Variants in PGR observed in about 807,000 individuals in gnomAD.
The protein encoded by PGR is nuclear receptor subfamily 3 group C member 3.
In PGR, 25 loss-of-function variants were observed where a neutral mutation model predicts 76.1. The observed-to-expected ratio is 0.33, with a 90% confidence interval of 0.24 to 0.46. PGR has a LOEUF of 0.46. Among genes scored for constraint, PGR ranks in the 20% least tolerant of loss-of-function variants. The pLI is 1.00. For synonymous variants in PGR, 579 were observed against 535.0 expected (o/e 1.08, Z -1.14); for missense variants, 1,172 against 1,225.3 (o/e 0.96, Z 0.65).
At chr11:101,041,030 C>G (rs1475986667) in intron 7 of PGR, among the ~76,000 whole-genome samples, 2 of 131,328 alleles carry the variant, frequency 1.5e-5, no homozygotes, top group African/African-American at 5.0e-5. Context: ...AAAGTATTTT[C>G]TTGCTAAATG....
chr11:101,042,233 G>T, intron 6 of PGR, 131 bp from the exon 7 acceptor site: 1 of 787,218 alleles, frequency 1.3e-6, no homozygotes, highest in South Asian at 1.6e-5. Context: ...CCTTATATAG[G>T]AAAGAGATAG....
In PGR at chr11:101,039,700, G is replaced by A. The variant is rs544253744; in HGVS notation, c.2647-429C>T. On this transcript the variant is annotated intron_variant, in intron 7 of 7. Transcript: ENST00000325455. The stretch of plus-strand genomic sequence containing the variant: ...CTTCCTATGCCAATAATCCAACATC[G>A]TTTAATTTTTATCAAAGTAATTCAT... 5.5e-4 allele frequency among the ~76,000 whole-genome samples: 83 copies of A among 151,844 alleles called. 1 individual carries two copies. The highest frequency in any genetic ancestry group is 1.8e-3 in the African/African-American group (74 of 41,430).
At chr11:101,040,068 AT>A (rs11571264) in intron 7 of PGR, among the ~76,000 whole-genome samples, 3,949 of 152,042 alleles carry the variant, frequency 0.026, 151 homozygotes, top group African/African-American at 0.087. Flanking sequence ...TATCATAAAG[AT>A]TTTTTTATGG....
rs866322371 is a variant in PGR at position 101,079,742 on chromosome 11, C to T, written c.1906+12018G>A. Among the ~76,000 whole-genome samples the T allele has an allele frequency of 7.9e-5, 12 of 152,346 alleles. No homozygotes were observed. The South Asian group carries it at 1.0e-3, about 13-fold the overall frequency. ...AAAACAGAACTACCACGTGATGCAG[C>T]AATCCTACTGTTGGGCATATAGCCA... is the stretch of plus-strand genomic sequence containing the variant. On this transcript the variant is annotated intron_variant, in intron 3 of 7. Transcript: ENST00000325455.
At chr11:101,099,373 T>C (rs1204485791) in intron 2 of PGR, among the ~76,000 whole-genome samples, 1 of 152,278 alleles carries the variant, frequency 6.6e-6, no homozygotes, top group Admixed American at 6.5e-5. Flanking sequence ...ATCTATCATG[T>C]TAGAAATTGG....
At chr11:101,044,724 T>G (rs1372178675) in intron 6 of PGR, among the ~76,000 whole-genome samples, 5 of 88,190 alleles carry the variant, frequency 5.7e-5, no homozygotes, top group African/African-American at 1.2e-4. Context: ...TTTTTTTTTT[T>G]GACACAGGGT....
intron 3 of PGR, among the ~76,000 whole-genome samples, chr11:101,069,323 C>A (rs1432637400): frequency 6.6e-6 from 1 of 152,112 alleles, no homozygotes; most frequent in African/African-American, 2.4e-5. Flanking sequence ...CCATCTCACA[C>A]CAGTTAGAAT....
chr11:101,037,763 G>C lies in PGR; in HGVS notation c.*1353C>G, dbSNP rs1859558850. 1 of 226,416 alleles carries C rather than the reference G, an allele frequency of 4.4e-6. No individual in the cohort carries two copies. The highest frequency in any genetic ancestry group is 1.8e-4 in the South Asian group (1 of 5,480). 14.0% of individuals were successfully genotyped at this position (226,416 alleles called of 1,614,324 possible). ...AGAAAGTGATAAAGTCATGGGTACA[G>C]AAATATGCAGAAATGTAACCAAAGA... On this transcript the variant is annotated 3_prime_UTR_variant, in exon 8 of 8. Coordinates refer to ENST00000325455, the MANE Select transcript of PGR (RefSeq NM_000926.4).
intron 3 of PGR, among the ~76,000 whole-genome samples, chr11:101,076,577 T>C (rs903679740): frequency 2.6e-5 from 4 of 152,078 alleles, no homozygotes; most frequent in Non-Finnish European, 5.9e-5. Context: ...GGAAACAGTA[T>C]TGCACAATTA....
rs1045289204 is a variant in PGR at position 101,038,170 on chromosome 11, T to TCC, written c.*944_*945dup. The TCC allele has an allele frequency of 1.6e-5, 3 of 191,618 alleles. No homozygotes were observed. Among genetic ancestry groups the TCC allele is most frequent in the African/African-American group, 7.0e-5 (3 of 43,122 alleles). 11.9% of individuals were successfully genotyped at this position (191,618 alleles called of 1,614,324 possible). A position where few individuals can be genotyped will look rare whatever the true frequency, so the allele number is the denominator to read the frequency against. ...GGAGAAAGGTATGTGAATTGATACC[T>TCC]CCCTCCTCCTCCTCTCCCTTTCTTC... On this transcript the variant is annotated 3_prime_UTR_variant, in exon 8 of 8. Coordinates refer to ENST00000325455, the MANE Select transcript of PGR (RefSeq NM_000926.4).
At chr11:101,090,387 G>A (rs965796171) in intron 3 of PGR, among the ~76,000 whole-genome samples, 2 of 152,202 alleles carry the variant, frequency 1.3e-5, no homozygotes, top group African/African-American at 4.8e-5. Flanking sequence ...TGGAATCTAA[G>A]TGTCAGCATT....
rs1188893848 is a variant in PGR at position 101,049,986 on chromosome 11, G to C, written c.2431C>G (p.Leu811Val). The change falls in exon 6 of 8, where the codon CTT (leucine) becomes GTT (valine). Residue 811 changes from leucine (L) to valine (V), a missense_variant. Leu to Val is a conservative substitution (Grantham distance 32, BLOSUM62 1). Coordinates refer to ENST00000325455, the MANE Select transcript of PGR (RefSeq NM_000926.4). The part of the protein sequence containing the change: ...MWQIPQEFVK[L>V]QVSQEEFLCM... ...AGGAACTCTTCTTGGCTAACTTGAA[G>C]CTTGACAAACTCCTGTGGGATCTGC... The C allele has an allele frequency of 6.2e-7, 1 of 1,612,258 alleles. No individual in the cohort carries two copies. The highest frequency in any genetic ancestry group is 8.5e-7 in the Non-Finnish European group (1 of 1,178,894).
Position 101,047,364 on chromosome 11 carries a change from G to A in PGR, c.2488+2565C>T, listed in dbSNP as rs761072546. Among the ~76,000 whole-genome samples, 96 of 152,250 alleles carry A rather than the reference G, an allele frequency of 6.3e-4. 1 individual carries two copies. Among genetic ancestry groups the A allele is most frequent in the Non-Finnish European group, 9.7e-4 (66 of 68,022 alleles). On this transcript the variant is annotated intron_variant, in intron 6 of 7. Transcript: ENST00000325455. ...GATTCATTCCTTCATGCAAAGAAGG[G>A]CAGGAGCTAATTACTGTATTATTAA...
At chr11:101,056,534 G>A (rs1198034356) in intron 4 of PGR, among the ~76,000 whole-genome samples, 1 of 151,208 alleles carries the variant, frequency 6.6e-6, no homozygotes, top group Non-Finnish European at 1.5e-5. Context: ...AAGTTACTGG[G>A]GAGGCTGAAG....
In PGR at chr11:101,127,616, C is replaced by T. The variant is rs1330904631; in HGVS notation, c.1455G>A (p.Ala485=). 6.6e-5 allele frequency: 86 copies of T among 1,305,778 alleles called. No individual in the cohort carries two copies. Among genetic ancestry groups the T allele is most frequent in the Non-Finnish European group, 7.7e-5 (80 of 1,036,770 alleles). The allele number at this position is 1,305,778 out of a possible 1,614,324, so 80.9% of individuals were successfully genotyped here. A position where few individuals can be genotyped will look rare whatever the true frequency, so the allele number is the denominator to read the frequency against. ...FAPPPCKAPG[A]SGCLLPRDGL... ...CGTCCCGCGGGAGCAGGCAGCCGCT[C>T]GCGCCCGGCGCCTTGCAGGGCGGCG... Residue 485 remains alanine (A), a synonymous_variant, in exon 1 of 8, where the codon GCG becomes GCA. Coordinates refer to ENST00000325455, the MANE Select transcript of PGR (RefSeq NM_000926.4).
intron 3 of PGR, among the ~76,000 whole-genome samples, chr11:101,083,218 G>A (rs960455630): frequency 3.3e-5 from 5 of 152,182 alleles, no homozygotes; most frequent in East Asian, 1.9e-4. Context: ...TTGGGCCTGC[G>A]GGTATGAAGA....
chr11:101,062,702 C>A lies in PGR; in HGVS notation c.1957G>T (p.Ala653Ser). The A allele has an allele frequency of 6.2e-7, 1 of 1,613,786 alleles. No individual in the cohort carries two copies. Among genetic ancestry groups the A allele is most frequent in the Non-Finnish European group, 8.5e-7 (1 of 1,179,844 alleles). The change falls in exon 4 of 8, where the codon GCT becomes TCT. Residue 653 changes from alanine (A) to serine (S), a missense_variant. Physicochemically the swap from Ala to Ser is moderately conservative, Grantham distance 99. Transcript: ENST00000325455. ...CCCACTGGCTGTGGGAGAGCAACAGCATCCAGTGCTCTCACAACTCTGACT... is the reference window on the plus strand; with the variant it reads ...CCCACTGGCTGTGGGAGAGCAACAGAATCCAGTGCTCTCACAACTCTGACT... ...NKVRVVRALD[A>S]VALPQPVGVP...
intron 3 of PGR, among the ~76,000 whole-genome samples, chr11:101,069,813 A>G (rs1424721678): frequency 1.3e-5 from 2 of 151,898 alleles, no homozygotes; most frequent in Non-Finnish European, 2.9e-5. Flanking sequence ...ATGAGAACAC[A>G]TGGACACAGG....
chr11:101,046,435 C>A (rs533376214), intron 6 of PGR, among the ~76,000 whole-genome samples: 1 of 149,216 alleles, frequency 6.7e-6, no homozygotes, highest in Non-Finnish European at 1.5e-5. Context: ...GAAATGTGAC[C>A]GACTACATCT....
Sources: gnomAD v4.1 joint callset for allele counts (sites outside exome capture counted in the v4.1 genomes callset) on GRCh38, gnomAD v4.1.1 for gene constraint, MANE v1.5 for transcripts, NCBI Gene and HGNC (gene_info 2026-07-23, HGNC 2026-07-21) for gene names.